The following TBC1D5 variants were observed in gnomAD, a reference collection of about 807,000 sequenced individuals.
TBC1D5 encodes TBC1 domain family member 5.
TBC1D5 carries 75 observed loss-of-function variants against 100.3 expected under a neutral mutation model. That is an observed-to-expected ratio of 0.75 (90% confidence interval 0.62 to 0.91). The LOEUF is 0.91. Ranked by LOEUF, TBC1D5 falls within the 40% of genes least tolerant of loss-of-function variation. The pLI, the probability that TBC1D5 is intolerant of heterozygous loss-of-function variation, is 0.00. For synonymous variants in TBC1D5, 323 were observed against 325.6 expected (o/e 0.99, Z 0.09); for missense variants, 910 against 942.4 (o/e 0.97, Z 0.45).
rs549215953 is a variant in TBC1D5, at chr3:17,272,157, T to C, written c.1246-13566A>G. On this transcript the variant is annotated intron_variant, in intron 15 of 21. Transcript: ENST00000253692. The stretch of plus-strand genomic sequence containing the variant: ...ATTGCTGTTGCGATTCTTAGAGATC[T>C]CATCAGCTGTTACACTGTGACTTAT... Among the ~76,000 whole-genome samples the C allele has an allele frequency of 8.5e-5, 13 of 152,342 alleles. No individual in the cohort carries two copies. The South Asian group carries it at 2.7e-3, about 32-fold the overall frequency.
At chr3:17,555,673 T>C (rs2096512075) in intron 2 of TBC1D5, among the ~76,000 whole-genome samples, 1 of 152,184 alleles carries the variant, frequency 6.6e-6, no homozygotes, top group Admixed American at 6.5e-5. Flanking sequence ...TCAAAACATG[T>C]TAAATATGGG....
chr3:17,466,340 C>G (rs1001258521), intron 3 of TBC1D5, among the ~76,000 whole-genome samples: 7 of 152,168 alleles, frequency 4.6e-5, no homozygotes, highest in Non-Finnish European at 1.0e-4. Flanking sequence ...TGCACAGCCT[C>G]TGCTTTCAAA....
intron 2 of TBC1D5, among the ~76,000 whole-genome samples, chr3:17,564,015 C>A (rs972149908): frequency 4.6e-5 from 7 of 152,212 alleles, no homozygotes; most frequent in Non-Finnish European, 7.3e-5. Flanking sequence ...ATCTCCTGAC[C>A]TTGTGATCCG....
At chr3:17,452,199 T>C (rs1206967934) in intron 3 of TBC1D5, among the ~76,000 whole-genome samples, 1 of 151,810 alleles carries the variant, frequency 6.6e-6, no homozygotes, top group Non-Finnish European at 1.5e-5. Context: ...ACTGAAATCA[T>C]ACCACCAGAG....
chr3:17,359,965 T>A (rs1165187977), intron 13 of TBC1D5, among the ~76,000 whole-genome samples: 3 of 152,002 alleles, frequency 2.0e-5, no homozygotes, highest in East Asian at 1.9e-4. Context: ...TTACCCACAT[T>A]TAACTATTAT....
intron 13 of TBC1D5, among the ~76,000 whole-genome samples, chr3:17,328,426 AC>A (rs1476310009): frequency 1.3e-5 from 2 of 152,046 alleles, no homozygotes; most frequent in Non-Finnish European, 2.9e-5. Flanking sequence ...CTGTCTTCCT[AC>A]TGACCTAACC....
intron 2 of TBC1D5, among the ~76,000 whole-genome samples, chr3:17,568,451 A>G (rs1334751393): frequency 6.6e-6 from 1 of 151,484 alleles, no homozygotes; most frequent in Non-Finnish European, 1.5e-5. Flanking sequence ...TATAACCATT[A>G]AATTTTACTA....
intron 9 of TBC1D5, among the ~76,000 whole-genome samples, chr3:17,383,399 C>A (rs1176432088): frequency 6.6e-6 from 1 of 151,546 alleles, no homozygotes; most frequent in South Asian, 2.1e-4. Flanking sequence ...AATAAAACAA[C>A]CCAATAATCT....
At chr3:17,621,648 C>T (rs1012505107) in intron 2 of TBC1D5, among the ~76,000 whole-genome samples, 2 of 152,084 alleles carry the variant, frequency 1.3e-5, no homozygotes, top group African/African-American at 4.8e-5. Flanking sequence ...TAACCAGAGA[C>T]ATCTATCACT....
chr3:17,596,022 T>G (rs2060540022), intron 2 of TBC1D5, among the ~76,000 whole-genome samples: 1 of 152,154 alleles, frequency 6.6e-6, no homozygotes, highest in African/African-American at 2.4e-5. Flanking sequence ...TATTCACAGA[T>G]CTCATTGTTC....
chr3:17,175,127 A>T (rs1182224284), intron 19 of TBC1D5, among the ~76,000 whole-genome samples: 2 of 152,236 alleles, frequency 1.3e-5, no homozygotes, highest in African/African-American at 4.8e-5. Context: ...GAGCCAAGTT[A>T]ATTTTCTTAA....
chr3:17,573,688 C>CT (rs1287349502), intron 2 of TBC1D5, among the ~76,000 whole-genome samples: 2 of 152,052 alleles, frequency 1.3e-5, no homozygotes, highest in Admixed American at 1.3e-4. Context: ...TTCCCTCCAC[C>CT]TAGAGTGTCT....
chr3:17,552,070 G>A (rs1013718108), intron 2 of TBC1D5, among the ~76,000 whole-genome samples: 1 of 151,798 alleles, frequency 6.6e-6, no homozygotes, highest in Non-Finnish European at 1.5e-5. Context: ...GTAGTTTTAT[G>A]TAAATTTATT....
intron 1 of TBC1D5, among the ~76,000 whole-genome samples, chr3:17,696,798 C>A (rs1288986050): frequency 6.6e-6 from 1 of 152,024 alleles, no homozygotes; most frequent in African/African-American, 2.4e-5. Context: ...AGAGACACAA[C>A]AGAAAAAAAG....
At chr3:17,320,492 AG>A (rs946263173) in intron 13 of TBC1D5, among the ~76,000 whole-genome samples, 1 of 152,238 alleles carries the variant, frequency 6.6e-6, no homozygotes, top group Admixed American at 6.5e-5. Context: ...CCAAGAACCA[AG>A]GAAGTTTTAG....
intron 13 of TBC1D5, among the ~76,000 whole-genome samples, chr3:17,322,592 T>C (rs2085559434): frequency 6.6e-6 from 1 of 152,206 alleles, no homozygotes; most frequent in African/African-American, 2.4e-5. Context: ...GCAGAATGCA[T>C]TGCTCTTACT....
At chr3:17,447,800 T>C (rs952159697) in intron 3 of TBC1D5, among the ~76,000 whole-genome samples, 2 of 152,216 alleles carry the variant, frequency 1.3e-5, no homozygotes, top group African/African-American at 2.4e-5. Flanking sequence ...TCAAAGTAGA[T>C]AATAACGTTT....
intron 19 of TBC1D5, among the ~76,000 whole-genome samples, chr3:17,177,729 T>A (rs1046882730): frequency 6.6e-6 from 1 of 152,212 alleles, no homozygotes; most frequent in Non-Finnish European, 1.5e-5. Context: ...TGAGATGGCA[T>A]CTTAAATTTT....
intron 15 of TBC1D5, among the ~76,000 whole-genome samples, chr3:17,267,415 A>T (rs2078964704): frequency 6.6e-6 from 1 of 151,992 alleles, no homozygotes; most frequent in Non-Finnish European, 1.5e-5. Context: ...ATTTACTTCA[A>T]CGCTTTAAGA....
Sources: allele counts gnomAD v4.1 joint callset (sites outside exome capture counted in the v4.1 genomes callset), GRCh38; gene constraint gnomAD v4.1.1; transcripts MANE v1.5; gene names NCBI Gene and HGNC (gene_info 2026-07-23, HGNC 2026-07-21).